Variants in VPS13B observed in about 807,000 individuals in gnomAD.
VPS13B encodes vacuolar protein sorting 13 homolog B.
A neutral mutation model predicts 426.4 loss-of-function variants in VPS13B; 285 were observed. The observed-to-expected ratio is 0.67, with a 90% confidence interval of 0.61 to 0.74. The LOEUF is 0.74. Ranked by LOEUF, VPS13B falls within the 30% of genes least tolerant of loss-of-function variation. The probability of loss-of-function intolerance (pLI) is 0.00; values close to 1 mark genes in which losing one functional copy is unlikely to be tolerated. For synonymous variants in VPS13B, 1,676 were observed against 1,676.4 expected (o/e 1.00, Z 0.01); for missense variants, 4,537 against 4,782.6 (o/e 0.95, Z 1.51).
intron 17 of VPS13B, among the ~76,000 whole-genome samples, chr8:99,215,487 G>A (rs1373891279): frequency 2.0e-5 from 3 of 152,092 alleles, no homozygotes; most frequent in Non-Finnish European, 2.9e-5. Context: ...GTAGTTGTAC[G>A]CATTACTAAG....
intron 23 of VPS13B, among the ~76,000 whole-genome samples, chr8:99,447,287 A>C (rs1817968606): frequency 6.6e-6 from 1 of 152,222 alleles, no homozygotes; most frequent in South Asian, 2.1e-4. Flanking sequence ...GATAATAAAA[A>C]TTTAAGCTAC....
chr8:99,683,092 A>G (rs545446054), intron 35 of VPS13B, among the ~76,000 whole-genome samples: 2 of 152,242 alleles, frequency 1.3e-5, no homozygotes, highest in South Asian at 2.1e-4. Context: ...TTGTATACAG[A>G]TATTCAACAC....
At chr8:99,090,541 G>T (rs781707055) in intron 3 of VPS13B, among the ~76,000 whole-genome samples, 2 of 152,030 alleles carry the variant, frequency 1.3e-5, no homozygotes, top group Admixed American at 6.6e-5. Flanking sequence ...TGGGATTATA[G>T]GTGTGAGCCA....
chr8:99,717,345 C>G lies in VPS13B; in HGVS notation c.6629C>G (p.Ser2210Cys), dbSNP rs898255806. 6.2e-7 allele frequency: 1 copy of G among 1,613,866 alleles called. No individual in the cohort carries two copies. Among genetic ancestry groups the G allele is most frequent in the African/African-American group, 1.3e-5 (1 of 75,004 alleles). ...CCAGAACAATCCATACCAAAAATAT[C>G]CATTGACTTAAGAGGAGGTCTACTA... ...PGPEQSIPKISIDLRGGLLQV... is the reference protein window; with the variant it reads ...PGPEQSIPKICIDLRGGLLQV... The change falls in exon 37 of 62, where the codon TCC becomes TGC. Residue 2210 changes from serine (S) to cysteine (C), a missense_variant. Transcript: ENST00000357162.
At chr8:99,812,592 C>A (rs1442688211) in intron 44 of VPS13B, among the ~76,000 whole-genome samples, 1 of 152,094 alleles carries the variant, frequency 6.6e-6, no homozygotes, top group African/African-American at 2.4e-5. Flanking sequence ...CCTCTCATTT[C>A]CCTCAATTGA....
At chr8:99,445,127 G>A (rs1018893547) in intron 23 of VPS13B, among the ~76,000 whole-genome samples, 1 of 151,464 alleles carries the variant, frequency 6.6e-6, no homozygotes, top group South Asian at 2.1e-4. Flanking sequence ...TGATTTGCAA[G>A]TATTTTCTCC....
intron 19 of VPS13B, among the ~76,000 whole-genome samples, chr8:99,351,392 T>A (rs1811869380): frequency 6.6e-6 from 1 of 152,020 alleles, no homozygotes; most frequent in South Asian, 2.1e-4. Context: ...CAGTTTATAT[T>A]ATGTTCATTT....
intron 41 of VPS13B, among the ~76,000 whole-genome samples, chr8:99,778,168 G>A (rs1417238179): frequency 2.0e-5 from 3 of 150,326 alleles, no homozygotes; most frequent in African/African-American, 7.4e-5. Flanking sequence ...GGAGGCAGAG[G>A]TTGCAGTGAG....
intron 39 of VPS13B, among the ~76,000 whole-genome samples, chr8:99,738,376 G>A (rs1445011795): frequency 1.3e-5 from 2 of 151,992 alleles, no homozygotes; most frequent in Non-Finnish European, 2.9e-5. Flanking sequence ...GCTAAATCAT[G>A]GTATATCTGT....
At chr8:99,034,006 A>G (rs986202056) in intron 2 of VPS13B, among the ~76,000 whole-genome samples, 1 of 152,156 alleles carries the variant, frequency 6.6e-6, no homozygotes, top group Non-Finnish European at 1.5e-5. Flanking sequence ...CTTCACAGAT[A>G]GTTTGTTTCT....
intron 24 of VPS13B, among the ~76,000 whole-genome samples, chr8:99,468,456 A>G (rs556920660): frequency 7.2e-5 from 11 of 151,824 alleles, no homozygotes; most frequent in Non-Finnish European, 1.3e-4. Flanking sequence ...TTTTAAAAAG[A>G]AATATTAAAA....
chr8:99,426,145 G>C (rs1816693951), intron 21 of VPS13B, among the ~76,000 whole-genome samples: 1 of 147,812 alleles, frequency 6.8e-6, no homozygotes, highest in Non-Finnish European at 1.5e-5. Flanking sequence ...TCCCACCTAT[G>C]AGTGAGAATA....
intron 35 of VPS13B, among the ~76,000 whole-genome samples, chr8:99,675,085 G>T (rs1319388966): frequency 4.6e-5 from 7 of 151,666 alleles, no homozygotes; most frequent in Admixed American, 2.0e-4. Flanking sequence ...CTTTCAGCTT[G>T]AAAAAAACTC....
At chr8:99,399,093 T>G (rs992151670) in intron 21 of VPS13B, among the ~76,000 whole-genome samples, 2 of 151,976 alleles carry the variant, frequency 1.3e-5, no homozygotes, top group Non-Finnish European at 2.9e-5. Flanking sequence ...TTTTAAAAAA[T>G]TTTACTACTT....
chr8:99,499,129 T>A (rs1279226897), intron 25 of VPS13B, among the ~76,000 whole-genome samples: 1 of 152,134 alleles, frequency 6.6e-6, no homozygotes, highest in Non-Finnish European at 1.5e-5. Context: ...GTAAAAGAAT[T>A]GAACTGTTTA....
intron 36 of VPS13B, 126 bp downstream of exon 36, chr8:99,700,058 A>G (rs931680557): frequency 3.2e-5 from 38 of 1,181,090 alleles, no homozygotes; most frequent in Non-Finnish European, 4.2e-5. Flanking sequence ...ATTAGAGATG[A>G]GGACATTTCT....
At chr8:99,871,797 G>C (rs1817430169) in intron 61 of VPS13B, 100 bp downstream of exon 61, 1 of 1,590,386 alleles carries the variant, frequency 6.3e-7, no homozygotes, top group Non-Finnish European at 8.6e-7. Context: ...GCAGCCTCTG[G>C]AGTGGCTGCT....
In VPS13B at chr8:99,395,709, A is replaced by G. The variant is rs188782841; in HGVS notation, c.3082+4005A>G. Among the ~76,000 whole-genome samples, 4 of 152,330 alleles carry G rather than the reference A, an allele frequency of 2.6e-5. No homozygotes were observed. In the East Asian group the frequency reaches 7.7e-4, roughly 29 times the overall value. On this transcript the variant is annotated intron_variant, in intron 21 of 61. Transcript: ENST00000357162. ...AATATAACAGTTGCAAACATTCAATAAAAAATTACTAGAGGTGCAAAGGAG... is the reference window on the plus strand; with the variant it reads ...AATATAACAGTTGCAAACATTCAATGAAAAATTACTAGAGGTGCAAAGGAG...
At chr8:99,744,427 C>A (rs1024935309) in intron 39 of VPS13B, among the ~76,000 whole-genome samples, 24 of 152,168 alleles carry the variant, frequency 1.6e-4, no homozygotes, top group Non-Finnish European at 2.9e-4. Flanking sequence ...CCTCAGGGAT[C>A]TAGAACTAGA....
Sources: allele counts gnomAD v4.1 joint callset (sites outside exome capture counted in the v4.1 genomes callset), GRCh38; gene constraint gnomAD v4.1.1; transcripts MANE v1.5; gene names NCBI Gene and HGNC (gene_info 2026-07-23, HGNC 2026-07-21).